Variants in CLCN3 observed in about 807,000 individuals in gnomAD.
CLCN3 encodes the protein Cl-/H+ antiporter 3.
A neutral mutation model predicts 83.4 loss-of-function variants in CLCN3; 16 were observed. The ratio of observed to expected loss-of-function variants is 0.19; its 90% CI spans 0.13 to 0.29. The LOEUF is 0.29. Ranked by LOEUF, CLCN3 falls within the 10% of genes least tolerant of loss-of-function variation. CLCN3 has a pLI of 1.00. For missense variants in CLCN3, 544 were observed against 1,006.0 expected (o/e 0.54, Z 6.21); for synonymous variants, 322 against 346.2 (o/e 0.93, Z 0.78).
At chr4:169,696,651 C>T (rs1344810769) in intron 8 of CLCN3, among the ~76,000 whole-genome samples, 1 of 152,036 alleles carries the variant, frequency 6.6e-6, no homozygotes, top group African/African-American at 2.4e-5. Flanking sequence ...CTTATTCCTC[C>T]TCTGTAAGTT....
At chr4:169,702,411 G>A (rs895102029) in intron 9 of CLCN3, among the ~76,000 whole-genome samples, 1 of 152,160 alleles carries the variant, frequency 6.6e-6, no homozygotes, top group African/African-American at 2.4e-5. Context: ...TGGAAGACCA[G>A]GTGCATTATT....
intron 1 of CLCN3, among the ~76,000 whole-genome samples, chr4:169,630,371 A>G (rs1773338735): frequency 1.3e-5 from 2 of 152,190 alleles, no homozygotes; most frequent in South Asian, 4.1e-4. Context: ...ACTTAAAATG[A>G]GAACATGCTG....
chr4:169,637,555 G>A (rs1730254051), intron 2 of CLCN3, among the ~76,000 whole-genome samples: 1 of 150,868 alleles, frequency 6.6e-6, no homozygotes, highest in Non-Finnish European at 1.5e-5. Flanking sequence ...AGGCACCAGA[G>A]CAAAACCCCG....
At chr4:169,713,435 GA>G (rs1476607588) in intron 12 of CLCN3, 140 bp downstream of exon 12, 1 of 622,770 alleles carries the variant, frequency 1.6e-6, no homozygotes, top group Non-Finnish European at 2.9e-6. Context: ...ACAAATATAG[GA>G]TCAGTCAATC....
chr4:169,626,084 T>C (rs1773226792), intron 1 of CLCN3, among the ~76,000 whole-genome samples: 1 of 152,248 alleles, frequency 6.6e-6, no homozygotes, highest in African/African-American at 2.4e-5. Flanking sequence ...TTGCCTGTGC[T>C]TCTGATAACA....
chr4:169,673,294 A>G (rs1423353909), intron 2 of CLCN3, among the ~76,000 whole-genome samples: 2 of 152,230 alleles, frequency 1.3e-5, no homozygotes, highest in Non-Finnish European at 2.9e-5. Flanking sequence ...GTGTAAATTA[A>G]GATGTTGAGT....
intron 1 of CLCN3, among the ~76,000 whole-genome samples, chr4:169,627,828 C>G (rs1299937208): frequency 6.6e-6 from 1 of 151,848 alleles, no homozygotes; most frequent in East Asian, 1.9e-4. Flanking sequence ...CAAGATTATT[C>G]TAAAATTTAC....
At chr4:169,678,114 T>C (rs1731752414) in intron 2 of CLCN3, among the ~76,000 whole-genome samples, 2 of 152,228 alleles carry the variant, frequency 1.3e-5, no homozygotes, top group South Asian at 4.1e-4. Context: ...ACCACAACTC[T>C]AAGGGTTATT....
intron 2 of CLCN3, among the ~76,000 whole-genome samples, chr4:169,654,728 T>TCA (rs1730831898): frequency 6.6e-6 from 1 of 152,198 alleles, no homozygotes; most frequent in South Asian, 2.1e-4. Context: ...ATTATGTAAT[T>TCA]ACAGTGTGTT....
At chr4:169,674,531 T>G (rs1238598015) in intron 2 of CLCN3, among the ~76,000 whole-genome samples, 1 of 152,168 alleles carries the variant, frequency 6.6e-6, no homozygotes, top group Non-Finnish European at 1.5e-5. Flanking sequence ...TACATAACAT[T>G]AGGATGGGAG....
rs901662922 is a variant in CLCN3, at chr4:169,720,636, A to C, written c.*639A>C. ...CTTTCTCATATTGAGATGTACTGTG[A>C]TTTTACTGAGGTTTCATCACAAGAA... On this transcript the variant is annotated 3_prime_UTR_variant, in exon 13 of 13. Coordinates refer to ENST00000513761, the MANE Select transcript of CLCN3 (RefSeq NM_001829.4). 6 of 150,650 alleles carry C rather than the reference A, an allele frequency of 4.0e-5. No homozygotes were observed. The highest frequency in any genetic ancestry group is 3.3e-4 in the Admixed American group (5 of 14,986). 9.3% of individuals were successfully genotyped at this position (150,650 alleles called of 1,614,324 possible).
chr4:169,701,408 T>C (rs1410503989), intron 9 of CLCN3, among the ~76,000 whole-genome samples: 1 of 152,136 alleles, frequency 6.6e-6, no homozygotes, highest in Non-Finnish European at 1.5e-5. Context: ...TTCATGAGAG[T>C]TGGAATCAAC....
intron 2 of CLCN3, among the ~76,000 whole-genome samples, chr4:169,641,741 T>C (rs1730418764): frequency 6.6e-6 from 1 of 152,188 alleles, no homozygotes; most frequent in African/African-American, 2.4e-5. Context: ...AGACACCTCC[T>C]AGAGTGAGGG....
chr4:169,633,342 T>C (rs1560827695), intron 1 of CLCN3, among the ~76,000 whole-genome samples: 1 of 152,214 alleles, frequency 6.6e-6, no homozygotes, highest in East Asian at 1.9e-4. Flanking sequence ...TGTAAGAATA[T>C]ATTTACAAGC....
chr4:169,679,945 A>G (rs1731869473), intron 2 of CLCN3, 105 bp from the exon 3 acceptor site: 1 of 882,706 alleles, frequency 1.1e-6, no homozygotes, highest in East Asian at 2.5e-5. Context: ...AGGGAGAGGG[A>G]GAGGGATTAT....
chr4:169,631,902 G>A (rs1227631169), intron 1 of CLCN3, among the ~76,000 whole-genome samples: 1 of 152,018 alleles, frequency 6.6e-6, no homozygotes, highest in Non-Finnish European at 1.5e-5. Flanking sequence ...GACCAATATC[G>A]AGTTCCAAAA....
chr4:169,668,741 T>C (rs989013945), intron 2 of CLCN3, among the ~76,000 whole-genome samples: 5 of 152,106 alleles, frequency 3.3e-5, no homozygotes, highest in Admixed American at 3.3e-4. Context: ...TTTTTTTTTT[T>C]TTTTGTCTTA....
At chr4:169,686,476 G>T (rs1405029393) in intron 3 of CLCN3, among the ~76,000 whole-genome samples, 2 of 151,644 alleles carry the variant, frequency 1.3e-5, no homozygotes, top group Admixed American at 6.6e-5. Flanking sequence ...GAGTGCAGTG[G>T]CACGATCTCT....
chr4:169,633,582 A>G (rs941619176), intron 1 of CLCN3, among the ~76,000 whole-genome samples: 2 of 152,244 alleles, frequency 1.3e-5, no homozygotes, highest in Non-Finnish European at 2.9e-5. Context: ...GCTACTATAG[A>G]AATTTGAATA....
Sources: allele counts gnomAD v4.1 joint callset (sites outside exome capture counted in the v4.1 genomes callset), GRCh38; gene constraint gnomAD v4.1.1; transcripts MANE v1.5; gene names NCBI Gene and HGNC (gene_info 2026-07-23, HGNC 2026-07-21).